The following NEGR1 variants were observed in gnomAD, a reference collection of about 807,000 sequenced individuals.
NEGR1 encodes the protein IgLON family member 4.
Under a neutral mutation model 40.9 loss-of-function variants are expected in NEGR1, and 10 were observed. The observed-to-expected ratio is 0.24, with a 90% CI of 0.15 to 0.42. The LOEUF is 0.42. Ranked by LOEUF, NEGR1 falls within the 10% of genes least tolerant of loss-of-function variation. NEGR1 has a pLI of 1.00. For synonymous variants in NEGR1, 185 were observed against 166.8 expected (o/e 1.11, Z -0.84); for missense variants, 352 against 438.9 (o/e 0.80, Z 1.77).
intron 1 of NEGR1, among the ~76,000 whole-genome samples, chr1:72,070,437 GA>G (rs1410935493): frequency 1.3e-5 from 2 of 151,828 alleles, no homozygotes; most frequent in African/African-American, 4.8e-5. Context: ...GTAATTTGGT[GA>G]AAAAAGTTTT....
At chr1:72,233,292 T>C (rs977187027) in intron 1 of NEGR1, among the ~76,000 whole-genome samples, 1 of 152,316 alleles carries the variant, frequency 6.6e-6, no homozygotes, top group Middle Eastern at 3.4e-3. Context: ...TTTTAAATTT[T>C]ATAATTACAA....
intron 1 of NEGR1, among the ~76,000 whole-genome samples, chr1:72,257,321 C>CAAAAAAAAAAA (rs34220734): frequency 7.0e-5 from 4 of 57,134 alleles, no homozygotes; most frequent in African/African-American, 2.6e-4. Flanking sequence ...GACTCTGTCT[C>CAAAAAAAAAAA]AAAAAAAAAA....
chr1:71,811,946 G>A (rs1421803600), intron 2 of NEGR1, among the ~76,000 whole-genome samples: 1 of 149,740 alleles, frequency 6.7e-6, no homozygotes, highest in Admixed American at 6.7e-5. Context: ...TGCAGGTTTA[G>A]TATATAGGTA....
intron 6 of NEGR1, among the ~76,000 whole-genome samples, chr1:71,452,294 G>A (rs888160539): frequency 6.6e-6 from 1 of 152,130 alleles, no homozygotes; most frequent in African/African-American, 2.4e-5. Context: ...ACATTTGACA[G>A]AATATCTTAG....
intron 6 of NEGR1, among the ~76,000 whole-genome samples, chr1:71,432,124 G>A (rs1646473576): frequency 6.6e-6 from 1 of 152,080 alleles, no homozygotes; most frequent in South Asian, 2.1e-4. Flanking sequence ...TAATGAGATA[G>A]GATGCTATTG....
At chr1:71,727,106 T>G (rs1307921591) in intron 3 of NEGR1, among the ~76,000 whole-genome samples, 1 of 152,060 alleles carries the variant, frequency 6.6e-6, no homozygotes, top group Non-Finnish European at 1.5e-5. Flanking sequence ...ATAGCTCCAA[T>G]TAGGTACCAT....
At chr1:72,046,840 C>T (rs1647007001) in intron 1 of NEGR1, among the ~76,000 whole-genome samples, 1 of 151,506 alleles carries the variant, frequency 6.6e-6, no homozygotes, top group African/African-American at 2.4e-5. Flanking sequence ...AAAAAATTAA[C>T]ACAGATAAGA....
intron 2 of NEGR1, among the ~76,000 whole-genome samples, chr1:71,914,691 T>C (rs1398025429): frequency 1.3e-5 from 2 of 152,212 alleles, no homozygotes; most frequent in Non-Finnish European, 2.9e-5. Flanking sequence ...TGTTTTTTTC[T>C]TGAGAATAAT....
chr1:72,007,563 C>CTCACT (rs1441890999), intron 1 of NEGR1, among the ~76,000 whole-genome samples: 3 of 151,936 alleles, frequency 2.0e-5, no homozygotes, highest in Non-Finnish European at 2.9e-5. Context: ...CTTATGGCCA[C>CTCACT]TAGTTAAAAA....
At chr1:71,976,079 G>T (rs1304441069) in intron 1 of NEGR1, among the ~76,000 whole-genome samples, 1 of 152,132 alleles carries the variant, frequency 6.6e-6, no homozygotes. Flanking sequence ...TCTAGTGTTG[G>T]TCTCTATAAT....
chr1:71,599,101 G>A (rs1649834827), intron 5 of NEGR1, among the ~76,000 whole-genome samples: 1 of 152,084 alleles, frequency 6.6e-6, no homozygotes. Context: ...TGTGAAATGG[G>A]AGAAATGAAG....
chr1:72,029,033 G>C (rs1379113631), intron 1 of NEGR1, among the ~76,000 whole-genome samples: 1 of 151,956 alleles, frequency 6.6e-6, no homozygotes, highest in Non-Finnish European at 1.5e-5. Context: ...AAGCATAATG[G>C]GTCAAATGAC....
At chr1:71,496,154 A>G (rs1224998418) in intron 6 of NEGR1, among the ~76,000 whole-genome samples, 2 of 152,076 alleles carry the variant, frequency 1.3e-5, no homozygotes, top group Admixed American at 6.6e-5. Flanking sequence ...TGACCCTGTC[A>G]AGTTTAACAT....
chr1:71,697,600 C>CT (rs1172537449), intron 4 of NEGR1, among the ~76,000 whole-genome samples: 1 of 151,802 alleles, frequency 6.6e-6, no homozygotes, highest in African/African-American at 2.4e-5. Flanking sequence ...CAGCTCTTTT[C>CT]TTTGAGTACA....
intron 1 of NEGR1, among the ~76,000 whole-genome samples, chr1:72,254,408 A>C (rs1185267775): frequency 6.6e-6 from 1 of 152,176 alleles, no homozygotes; most frequent in Non-Finnish European, 1.5e-5. Flanking sequence ...ACACATTAAG[A>C]AAAAGCATAT....
At chr1:71,555,612 C>T (rs569383275) in intron 6 of NEGR1, among the ~76,000 whole-genome samples, 2 of 151,632 alleles carry the variant, frequency 1.3e-5, no homozygotes, top group African/African-American at 4.8e-5. Context: ...TAGCCACTCT[C>T]AATCTTCAAA....
Position 71,800,760 on chromosome 1 carries a change from C to G in NEGR1, c.410-24463G>C, listed in dbSNP as rs142890106. Among the ~76,000 whole-genome samples the G allele has an allele frequency of 4.9e-3, 741 of 152,260 alleles. 10 individuals are homozygous for G. The highest frequency in any genetic ancestry group is 0.017 in the African/African-American group (712 of 41,550). On this transcript the variant is annotated intron_variant, in intron 2 of 6. Coordinates refer to ENST00000357731, the MANE Select transcript of NEGR1 (RefSeq NM_173808.3). ...TTAACTACTCGAGGGCTTCATTTCA[C>G]TAATCCTCCCATTCTCTCCCACATC... is the stretch of plus-strand genomic sequence containing the variant.
intron 6 of NEGR1, among the ~76,000 whole-genome samples, chr1:71,577,610 C>T (rs1484639667): frequency 1.3e-5 from 2 of 152,278 alleles, no homozygotes; most frequent in Non-Finnish European, 2.9e-5. Context: ...TTTAAACAGT[C>T]ATTTCAAAAT....
intron 2 of NEGR1, among the ~76,000 whole-genome samples, chr1:71,906,771 G>C (rs995472960): frequency 1.3e-5 from 2 of 152,116 alleles, no homozygotes; most frequent in African/African-American, 4.8e-5. Context: ...TATAGTATGA[G>C]GTGAAGTGTA....
Sources: gnomAD v4.1 joint callset for allele counts (sites outside exome capture counted in the v4.1 genomes callset) on GRCh38, gnomAD v4.1.1 for gene constraint, MANE v1.5 for transcripts, NCBI Gene and HGNC (gene_info 2026-07-23, HGNC 2026-07-21) for gene names.